KANSL1: variants seen among roughly 807,000 people sequenced by gnomAD.
The protein encoded by KANSL1 is KAT8 regulatory NSL complex subunit 1.
A neutral mutation model predicts 103.6 loss-of-function variants in KANSL1; 22 were observed. The ratio of observed to expected loss-of-function variants is 0.21; its 90% CI spans 0.15 to 0.30. KANSL1 has a LOEUF of 0.30. Among genes scored for constraint, KANSL1 ranks in the 10% least tolerant of loss-of-function variants. The pLI, the probability that KANSL1 is intolerant of heterozygous loss-of-function variation, is 1.00. For missense variants in KANSL1, 1,337 were observed against 1,399.8 expected (o/e 0.96, Z 0.72); for synonymous variants, 600 against 527.6 (o/e 1.14, Z -1.88).
intron 2 of KANSL1, among the ~76,000 whole-genome samples, chr17:46,147,763 C>T (rs2044806140): frequency 6.6e-6 from 1 of 152,120 alleles, no homozygotes; most frequent in Non-Finnish European, 1.5e-5. Flanking sequence ...TTCAGGTGTT[C>T]TCCACATGAG....
intron 3 of KANSL1, among the ~76,000 whole-genome samples, chr17:46,088,952 G>A (rs931057022): frequency 3.9e-5 from 6 of 152,054 alleles, no homozygotes; most frequent in Non-Finnish European, 5.9e-5. Context: ...CAACAAACAT[G>A]TTTCAGTGAA....
intron 2 of KANSL1, among the ~76,000 whole-genome samples, chr17:46,143,924 G>C (rs949495383): frequency 8.6e-5 from 13 of 152,036 alleles, no homozygotes; most frequent in African/African-American, 3.1e-4. Context: ...AAATTATGGA[G>C]CTAGAACTTG....
At chr17:46,220,515 T>G (rs2048498574) in intron 1 of KANSL1, among the ~76,000 whole-genome samples, 1 of 152,166 alleles carries the variant, frequency 6.6e-6, no homozygotes, top group Non-Finnish European at 1.5e-5. Context: ...TGCGCCCAGC[T>G]AAAATTTTCA....
At chr17:46,044,714 C>T (rs1199955973) in intron 7 of KANSL1, 15 of 152,172 alleles carry the variant, frequency 9.9e-5, no homozygotes, top group Admixed American at 7.9e-4. Flanking sequence ...CACAGCCAGG[C>T]GTAGAGTTGG....
intron 1 of KANSL1, among the ~76,000 whole-genome samples, chr17:46,214,428 T>G (rs1346427310): frequency 2.0e-5 from 3 of 151,776 alleles, no homozygotes; most frequent in Non-Finnish European, 1.5e-5. Context: ...CTGAGGGGGG[T>G]GGATCACCTG....
At chr17:46,216,555 C>T (rs1019406910) in intron 1 of KANSL1, among the ~76,000 whole-genome samples, 4 of 148,568 alleles carry the variant, frequency 2.7e-5, no homozygotes, top group East Asian at 4.0e-4. Flanking sequence ...GCCGAGATCA[C>T]GCCACTGCAC....
At position 46,125,099 on chromosome 17, in the gene KANSL1, A is replaced by AGG. The variant is rs1273222045; in HGVS notation, c.1290-30399_1290-30398insCC. 4.7e-4 allele frequency among the ~76,000 whole-genome samples: 16 copies of AGG among 34,040 alleles called. 1 individual carries two copies. Among genetic ancestry groups the AGG allele is most frequent in the South Asian group, 4.3e-3 (4 of 920 alleles). The allele number at this position is 34,040 out of a possible 152,430, so 22.3% of individuals were successfully genotyped here. On this transcript the variant is annotated intron_variant, in intron 2 of 14. Coordinates refer to ENST00000432791, the MANE Select transcript of KANSL1 (RefSeq NM_015443.4). ...GAGGGAGGGAGAGAGGGAGGGAGGG[A>AGG]GAGAGGGAGGGAGGGAGGGAGGGAA...
At chr17:46,151,161 C>G (rs933427853) in intron 2 of KANSL1, among the ~76,000 whole-genome samples, 2 of 152,210 alleles carry the variant, frequency 1.3e-5, no homozygotes, top group African/African-American at 2.4e-5. Context: ...TGAGTTATAA[C>G]TGAGTTTCTA....
At chr17:46,192,138 C>T (rs1353190578) in intron 1 of KANSL1, among the ~76,000 whole-genome samples, 3 of 152,146 alleles carry the variant, frequency 2.0e-5, no homozygotes, top group Non-Finnish European at 4.4e-5. Flanking sequence ...GGGATTCCAA[C>T]ATTGGAAAAC....
intron 2 of KANSL1, among the ~76,000 whole-genome samples, chr17:46,103,003 G>C (rs1429257545): frequency 6.6e-6 from 1 of 152,204 alleles, no homozygotes; most frequent in African/African-American, 2.4e-5. Flanking sequence ...TGGGGATGTG[G>C]AGCAGAAGAC....
chr17:46,209,201 G>A (rs1228492110), intron 1 of KANSL1, among the ~76,000 whole-genome samples: 1 of 151,932 alleles, frequency 6.6e-6, no homozygotes, highest in Non-Finnish European at 1.5e-5. Flanking sequence ...AAAAGAAAAT[G>A]CAAAGTCACC....
chr17:46,074,763 C>CTAAATAAATAAA (rs71138522), intron 4 of KANSL1, among the ~76,000 whole-genome samples: 87 of 142,612 alleles, frequency 6.1e-4, no homozygotes, highest in East Asian at 1.9e-3. Context: ...GACCCTATCT[C>CTAAATAAATAAA]TAAATAAATA....
chr17:46,052,551 G>C (rs2077746208), intron 6 of KANSL1, among the ~76,000 whole-genome samples: 1 of 151,936 alleles, frequency 6.6e-6, no homozygotes, highest in Non-Finnish European at 1.5e-5. Context: ...GTTGCAGTGA[G>C]CTGAGATCAC....
chr17:46,136,588 A>G (rs1035968477), intron 2 of KANSL1, among the ~76,000 whole-genome samples: 10 of 152,238 alleles, frequency 6.6e-5, no homozygotes, highest in African/African-American at 2.4e-4. Context: ...CCAAAGGCCA[A>G]TCCAACCTCA....
At chr17:46,201,708 A>G (rs76906527) in intron 1 of KANSL1, among the ~76,000 whole-genome samples, 80 of 107,276 alleles carry the variant, frequency 7.5e-4, no homozygotes, top group African/African-American at 2.0e-3. Flanking sequence ...CCTATCTCTG[A>G]AAAAAAAAAA....
intron 2 of KANSL1, among the ~76,000 whole-genome samples, chr17:46,119,428 T>A (rs1206328423): frequency 6.6e-6 from 1 of 151,662 alleles, no homozygotes; most frequent in Non-Finnish European, 1.5e-5. Context: ...TACCTCAGCC[T>A]CCCGGGTAGC....
intron 2 of KANSL1, among the ~76,000 whole-genome samples, chr17:46,136,721 T>A (rs2044162789): frequency 6.6e-6 from 1 of 152,146 alleles, no homozygotes; most frequent in South Asian, 2.1e-4. Context: ...TTTATTAAAT[T>A]TACATCATAT....
intron 1 of KANSL1, among the ~76,000 whole-genome samples, chr17:46,217,658 G>A (rs1401739496): frequency 1.2e-4 from 18 of 152,326 alleles, no homozygotes; most frequent in Non-Finnish European, 2.2e-4. Context: ...GGAGGCTGAG[G>A]TGGGCAGATC....
intron 2 of KANSL1, among the ~76,000 whole-genome samples, chr17:46,096,311 C>CTCTCTTTCTTTCTTTTTTTT (rs2042066191): frequency 2.6e-5 from 2 of 76,408 alleles, no homozygotes; most frequent in Non-Finnish European, 4.9e-5. Flanking sequence ...GCTTTTTTTT[C>CTCTCTTTCTTTCTTTTTTTT]TTTTTTTTTT....
Sources: gnomAD v4.1 joint callset for allele counts (sites outside exome capture counted in the v4.1 genomes callset) on GRCh38, gnomAD v4.1.1 for gene constraint, MANE v1.5 for transcripts, NCBI Gene and HGNC (gene_info 2026-07-23, HGNC 2026-07-21) for gene names.